CAMTA1: variants seen among roughly 807,000 people sequenced by gnomAD.
CAMTA1 encodes calmodulin-binding transcription activator 1.
Under a neutral mutation model 170.9 loss-of-function variants are expected in CAMTA1, and 27 were observed. The ratio of observed to expected loss-of-function variants is 0.16; its 90% confidence interval spans 0.12 to 0.22. CAMTA1 has a LOEUF of 0.22. Among genes scored for constraint, CAMTA1 ranks in the 10% least tolerant of loss-of-function variants. The pLI, the probability that CAMTA1 is intolerant of heterozygous loss-of-function variation, is 1.00. For missense variants in CAMTA1, 1,619 were observed against 2,217.2 expected, an observed-to-expected ratio of 0.73 and a Z score of 5.42; for synonymous variants, 833 against 891.5, an observed-to-expected ratio of 0.93 and a Z score of 1.17.
chr1:7,389,049 G>C (rs901078952), intron 5 of CAMTA1, among the ~76,000 whole-genome samples: 3 of 152,230 alleles, frequency 2.0e-5, no homozygotes, highest in African/African-American at 7.2e-5. Context: ...GCGAGAGGGA[G>C]GGGGAGGAGG....
rs1368329858 is a variant in CAMTA1 at position 7,737,136 on chromosome 1, T to G, written c.3343-119T>G. On this transcript the variant is annotated intron_variant, in intron 14 of 22. Coordinates refer to ENST00000303635, the MANE Select transcript of CAMTA1 (RefSeq NM_015215.4). ...CGGAGATACTTTGGGATGGGAATCTTCAATGGCCCCACCGAGATTGCCAGC... is the reference window on the plus strand; with the variant it reads ...CGGAGATACTTTGGGATGGGAATCTGCAATGGCCCCACCGAGATTGCCAGC... The G allele has an allele frequency of 3.0e-6, 4 of 1,326,276 alleles. No individual in the cohort carries two copies. The East Asian group carries it at 9.3e-5, about 31-fold the overall frequency. The allele number at this position is 1,326,276 out of a possible 1,614,324, so 82.2% of individuals were successfully genotyped here.
At chr1:7,006,321 C>T (rs530841123) in intron 3 of CAMTA1, among the ~76,000 whole-genome samples, 19 of 151,950 alleles carry the variant, frequency 1.3e-4, no homozygotes, top group African/African-American at 2.7e-4. Flanking sequence ...ATGCTTATTA[C>T]GGAAAATTTA....
chr1:6,810,560 A>T (rs1385293749), intron 1 of CAMTA1, among the ~76,000 whole-genome samples: 3 of 152,152 alleles, frequency 2.0e-5, no homozygotes, highest in Non-Finnish European at 4.4e-5. Flanking sequence ...TAATCCCAGC[A>T]GTTTGGGAGG....
chr1:7,304,651 A>G (rs1675312242), intron 5 of CAMTA1, among the ~76,000 whole-genome samples: 1 of 151,564 alleles, frequency 6.6e-6, no homozygotes, highest in African/African-American at 2.4e-5. Flanking sequence ...TTTTACTTTA[A>G]ATTTATCTTA....
At chr1:6,885,541 C>G (rs1428184223) in intron 3 of CAMTA1, among the ~76,000 whole-genome samples, 2 of 152,182 alleles carry the variant, frequency 1.3e-5, no homozygotes, top group African/African-American at 2.4e-5. Flanking sequence ...TAGCCTTAAC[C>G]AGGGCAGGTA....
chr1:7,297,255 G>C (rs935582361), intron 5 of CAMTA1, among the ~76,000 whole-genome samples: 3 of 152,180 alleles, frequency 2.0e-5, no homozygotes, highest in Non-Finnish European at 4.4e-5. Context: ...AAAAGGTGTT[G>C]AATTTTGTTC....
At chr1:7,281,477 C>T (rs1433335349) in intron 5 of CAMTA1, among the ~76,000 whole-genome samples, 1 of 152,028 alleles carries the variant, frequency 6.6e-6, no homozygotes, top group Non-Finnish European at 1.5e-5. Context: ...ATTAAATATT[C>T]AGGGAAAGAG....
intron 6 of CAMTA1, among the ~76,000 whole-genome samples, chr1:7,594,993 C>T (rs2095388407): frequency 6.6e-6 from 1 of 152,132 alleles, no homozygotes; most frequent in Non-Finnish European, 1.5e-5. Context: ...TGGGGGATCA[C>T]CCAATAAAAG....
At position 7,146,552 on chromosome 1, in the gene CAMTA1, C is replaced by T. The variant is rs1646195197; in HGVS notation, c.302+55181C>T. Among the ~76,000 whole-genome samples, 1 of 152,158 alleles carries T rather than the reference C, an allele frequency of 6.6e-6. No individual in the cohort carries two copies. Among genetic ancestry groups the T allele is most frequent in the Non-Finnish European group, 1.5e-5 (1 of 68,008 alleles). On this transcript the variant is annotated intron_variant, in intron 4 of 22. Coordinates refer to ENST00000303635, the MANE Select transcript of CAMTA1 (RefSeq NM_015215.4). This position sits in a 1 kb window ranked among gnomAD's most constrained non-coding sequence, Gnocchi z 4.3. ...CCAGCAGGACACTCATCACCATGGC[C>T]TTCCTTGACCCCGGCCACGTCCTGC...
chr1:6,830,361 TG>T (rs34647141), intron 3 of CAMTA1, among the ~76,000 whole-genome samples: 9,994 of 149,418 alleles, frequency 0.067, 376 homozygotes, highest in Middle Eastern at 0.099. Context: ...TTTTTTTTTT[TG>T]AGATGGAGTC....
At position 7,455,821 on chromosome 1, in the gene CAMTA1, C is replaced by T. The variant is rs1437143859; in HGVS notation, c.439-12009C>T. 6.6e-6 allele frequency among the ~76,000 whole-genome samples: 1 copy of T among 152,214 alleles called. No homozygotes were observed. The highest frequency in any genetic ancestry group is 2.1e-4 in the South Asian group (1 of 4,824). ...CTGGGCAGCACTTGGCCCTCCGTGC[C>T]GTCCAGAATGGCCTCGGGGAGTGGG... On this transcript the variant is annotated intron_variant, in intron 5 of 22. Transcript: ENST00000303635. The surrounding 1 kb of genome is among the most constrained non-coding windows in gnomAD (Gnocchi z 5.0).
At chr1:7,691,920 T>C (rs3011927) in intron 11 of CAMTA1, among the ~76,000 whole-genome samples, 73,235 of 149,118 alleles carry the variant, frequency 0.49, 18,039 homozygotes, top group East Asian at 0.66. Flanking sequence ...AGGGACACAG[T>C]AGGGTCTCGA....
chr1:7,137,149 A>AT (rs150520247), intron 4 of CAMTA1, among the ~76,000 whole-genome samples: 2,628 of 151,984 alleles, frequency 0.017, 69 homozygotes, highest in African/African-American at 0.055. Context: ...CGTTTATTGT[A>AT]TTTTTTCTTC....
At chr1:7,335,139 T>TGGG (rs1557537211) in intron 5 of CAMTA1, among the ~76,000 whole-genome samples, 4 of 54,766 alleles carry the variant, frequency 7.3e-5, no homozygotes, top group East Asian at 5.7e-4. Context: ...TGTGTGTGTG[T>TGGG]GGGGGGGGGG....
At chr1:6,966,004 T>C (rs963281251) in intron 3 of CAMTA1, among the ~76,000 whole-genome samples, 1 of 151,604 alleles carries the variant, frequency 6.6e-6, no homozygotes, top group African/African-American at 2.4e-5. Context: ...TGGGAGTGTG[T>C]GGGGGATCTC....
At chr1:6,940,037 C>T (rs913429114) in intron 3 of CAMTA1, among the ~76,000 whole-genome samples, 10 of 152,286 alleles carry the variant, frequency 6.6e-5, no homozygotes, top group African/African-American at 1.7e-4. Context: ...CCAGCATATC[C>T]GTGTCTAAGC....
intron 6 of CAMTA1, among the ~76,000 whole-genome samples, chr1:7,626,153 A>G (rs780272028): frequency 6.6e-6 from 1 of 152,170 alleles, no homozygotes; most frequent in Non-Finnish European, 1.5e-5. Flanking sequence ...AAAAACATAC[A>G]GCCCAATTTA....
intron 3 of CAMTA1, among the ~76,000 whole-genome samples, chr1:7,016,798 T>C (rs1700608119): frequency 6.6e-6 from 1 of 150,708 alleles, no homozygotes; most frequent in Non-Finnish European, 1.5e-5. Context: ...ATTGCACCAC[T>C]GCACTCCAGC....
chr1:7,035,217 A>G (rs1365161042), intron 3 of CAMTA1, among the ~76,000 whole-genome samples: 3 of 152,138 alleles, frequency 2.0e-5, no homozygotes, highest in Admixed American at 6.5e-5. Context: ...CCTCATCAAC[A>G]TGGTAAAACC....
Sources: allele counts gnomAD v4.1 joint callset (sites outside exome capture counted in the v4.1 genomes callset), GRCh38; gene constraint gnomAD v4.1.1; non-coding constraint Gnocchi (gnomAD v3.1); transcripts MANE v1.5; gene names NCBI Gene and HGNC (gene_info 2026-07-23, HGNC 2026-07-21).